Variants in ATXN1L observed in about 807,000 individuals in gnomAD.
ATXN1L encodes ataxin-1-like.
A neutral mutation model predicts 43.4 loss-of-function variants in ATXN1L; 8 were observed. That is an observed-to-expected ratio of 0.18 (90% CI 0.11 to 0.33). The LOEUF is 0.33. Among genes scored for constraint, ATXN1L ranks in the 10% least tolerant of loss-of-function variants. The pLI is 1.00. For missense variants in ATXN1L, 856 were observed against 885.4 expected (o/e 0.97, Z 0.42); for synonymous variants, 379 against 360.6 (o/e 1.05, Z -0.58).
Position 71,850,847 on chromosome 16 carries a change from C to A in ATXN1L, c.1107C>A (p.Thr369=). The change falls in exon 3 of 3, where the codon ACC becomes ACA. Residue 369 remains threonine, a synonymous_variant. Transcript: ENST00000427980. ...GCCCCCTCAACCTATCCCATCATAC[C>A]CCCGACCATCAGGGTGAGGGGCGAG... The part of the protein sequence containing the change: ...EPSPLNLSHH[T]PDHQGEGRGS... 1.3e-6 allele frequency: 2 copies of A among 1,551,698 alleles called. No individual in the cohort carries two copies. The highest frequency in any genetic ancestry group is 1.7e-6 in the Non-Finnish European group (2 of 1,146,992).
In ATXN1L at chr16:71,855,656, A is replaced by C. The variant is rs2033544138; in HGVS notation, c.*3846A>C. ...AGGGTTGGACATGGATTGACTGGGA[A>C]AAGGCCTGGGTCCATTGGAGTAAAG... On this transcript the variant is annotated 3_prime_UTR_variant, in exon 3 of 3. Transcript: ENST00000427980. 6.0e-6 allele frequency: 1 copy of C among 167,150 alleles called. No individual in the cohort carries two copies. Among genetic ancestry groups the C allele is most frequent in the Non-Finnish European group, 1.5e-5 (1 of 68,162 alleles). The allele number at this position is 167,150 out of a possible 1,614,324, so 10.4% of individuals were successfully genotyped here.
At position 71,850,262 on chromosome 16, in the gene ATXN1L, T is replaced by C; in HGVS notation, c.522T>C (p.Phe174=). 6.4e-7 allele frequency: 1 copy of C among 1,551,644 alleles called. No individual in the cohort carries two copies. Among genetic ancestry groups the C allele is most frequent in the African/African-American group, 1.4e-5 (1 of 73,120 alleles). Residue 174 remains phenylalanine (F), a synonymous_variant, in exon 3 of 3, where the codon TTT becomes TTC. Transcript: ENST00000427980. The stretch of plus-strand genomic sequence containing the variant: ...TTGCCACCTCTCACCTTCCACACTT[T>C]GTGCCATATGCCTCACTTCTGGCTG... ...ANLATSHLPH[F]VPYASLLAEG...
At chr16:71,848,203 C>T (rs1205275786) in intron 2 of ATXN1L, 132 bp downstream of exon 2, 2 of 388,570 alleles carry the variant, frequency 5.1e-6, no homozygotes, top group Non-Finnish European at 1.0e-5. Flanking sequence ...AAGAAATAGG[C>T]AGCAAAGTTC....
At chr16:71,847,288 C>G (rs1358606244) in intron 1 of ATXN1L, among the ~76,000 whole-genome samples, 1 of 151,640 alleles carries the variant, frequency 6.6e-6, no homozygotes, top group Non-Finnish European at 1.5e-5. Context: ...AGTGTAGATT[C>G]ACATAGTGAT....
Position 71,851,890 on chromosome 16 carries a change from GC to G in ATXN1L, c.*82del, listed in dbSNP as rs2033508102. 1 of 1,340,098 alleles carries G rather than the reference GC, an allele frequency of 7.5e-7. No individual in the cohort carries two copies. Among genetic ancestry groups the G allele is most frequent in the African/African-American group, 1.5e-5 (1 of 67,718 alleles). 83.0% of individuals were successfully genotyped at this position (1,340,098 alleles called of 1,614,324 possible). On this transcript the variant is annotated 3_prime_UTR_variant, in exon 3 of 3. Coordinates refer to ENST00000427980, the MANE Select transcript of ATXN1L (RefSeq NM_001137675.4). The surrounding 1 kb of genome is among the most constrained non-coding windows in gnomAD (Gnocchi z 4.9). ...GTGAGCAGGCAGAGGATTTGCACAC[GC>G]CGAGCAGGGAATGGCTTTCTTGGCA...
Position 71,850,439 on chromosome 16 carries a change from G to A in ATXN1L, c.699G>A (p.Met233Ile), listed in dbSNP as rs954344660. ...APGRMPIYYQMSRLPAGYTLH... is the reference protein window; with the variant it reads ...APGRMPIYYQISRLPAGYTLH... ...GTCGGATGCCCATTTATTATCAGAT[G>A]TCCAGGCTACCTGCTGGGTATACTT... The change falls in exon 3 of 3, where the codon ATG (methionine) becomes ATA (isoleucine). Residue 233 changes from methionine to isoleucine, a missense_variant. Met to Ile is a conservative substitution (Grantham distance 10, BLOSUM62 1). Around this residue, in one of 7 missense-constraint regions of ATXN1L, gnomAD observed 490 missense variants for 449.4 expected, o/e 1.09. Transcript: ENST00000427980. 2.1e-5 allele frequency: 33 copies of A among 1,551,566 alleles called. No individual in the cohort carries two copies. The highest frequency in any genetic ancestry group is 2.5e-5 in the Non-Finnish European group (29 of 1,147,004).
rs1226798412 is a variant in ATXN1L at position 71,854,996 on chromosome 16, T to C, written c.*3186T>C. 1 of 167,296 alleles carries C rather than the reference T, an allele frequency of 6.0e-6. No homozygotes were observed. The allele number at this position is 167,296 out of a possible 1,614,324, so 10.4% of individuals were successfully genotyped here. On this transcript the variant is annotated 3_prime_UTR_variant, in exon 3 of 3. Coordinates refer to ENST00000427980, the MANE Select transcript of ATXN1L (RefSeq NM_001137675.4). ...GCCAATCTGGGCTGGTCCTTCTATA[T>C]TCTTGGTCCCAGTTGGTCATAACAC...
In ATXN1L at chr16:71,851,408, C is replaced by T; in HGVS notation, c.1668C>T (p.Ser556=). The change falls in exon 3 of 3, where the codon AGC becomes AGT. Residue 556 remains serine (S), a synonymous_variant. Transcript: ENST00000427980. This position sits in a 1 kb window ranked among gnomAD's most constrained non-coding sequence, Gnocchi z 4.9. The part of the protein sequence containing the change: ...FVYGQGWSSC[S]PGRTTQLFSL... ...ATGGCCAGGGTTGGTCCTCTTGCAGCCCTGGGCGGACGACACAACTCTTCT... is the reference window on the plus strand; with the variant it reads ...ATGGCCAGGGTTGGTCCTCTTGCAGTCCTGGGCGGACGACACAACTCTTCT... 2 of 1,551,558 alleles carry T rather than the reference C, an allele frequency of 1.3e-6. No individual in the cohort carries two copies. Among genetic ancestry groups the T allele is most frequent in the Non-Finnish European group, 1.7e-6 (2 of 1,146,968 alleles).
At chr16:71,849,146 G>A (rs575427235) in intron 2 of ATXN1L, among the ~76,000 whole-genome samples, 19 of 148,614 alleles carry the variant, frequency 1.3e-4, no homozygotes, top group Non-Finnish European at 1.8e-4. Context: ...CCCGGGAGGC[G>A]AGGTTGCGGT....
Position 71,856,091 on chromosome 16 carries a change from G to T in ATXN1L, c.*4281G>T, listed in dbSNP as rs961430448. ...GGCCCCAGAGATGCTAGAGTCGACT[G>T]CACTCTCTCCTTAGCTGCAGACCAT... On this transcript the variant is annotated 3_prime_UTR_variant, in exon 3 of 3. Transcript: ENST00000427980. 3 of 167,096 alleles carry T rather than the reference G, an allele frequency of 1.8e-5. No individual in the cohort carries two copies. The allele number at this position is 167,096 out of a possible 1,614,324, so 10.4% of individuals were successfully genotyped here.
rs576304345 is a variant in ATXN1L at position 71,845,996 on chromosome 16, G to A, written c.-288G>A. On this transcript the variant is annotated 5_prime_UTR_variant, in exon 1 of 3. Coordinates refer to ENST00000427980, the MANE Select transcript of ATXN1L (RefSeq NM_001137675.4). Reference sequence around the variant, plus strand: ...ACGCCATCTCCGGGCGCCCGGCTGTGGGGGGCGCTGGGTGTGGGGCGGCTC... The same window carrying A: ...ACGCCATCTCCGGGCGCCCGGCTGTAGGGGGCGCTGGGTGTGGGGCGGCTC... The A allele has an allele frequency of 4.3e-5, 7 of 164,380 alleles. No individual in the cohort carries two copies. In the South Asian group the frequency reaches 4.8e-4, roughly 11 times the overall value. The allele number at this position is 164,380 out of a possible 1,614,324, so 10.2% of individuals were successfully genotyped here. A position where few individuals can be genotyped will look rare whatever the true frequency, so the allele number is the denominator to read the frequency against.
In ATXN1L at chr16:71,852,926, C is replaced by CT. The variant is rs1443932073; in HGVS notation, c.*1117dup. 6.0e-6 allele frequency: 1 copy of CT among 167,126 alleles called. No individual in the cohort carries two copies. The highest frequency in any genetic ancestry group is 1.5e-5 in the Non-Finnish European group (1 of 68,150). The allele number at this position is 167,126 out of a possible 1,614,324, so 10.4% of individuals were successfully genotyped here. On this transcript the variant is annotated 3_prime_UTR_variant, in exon 3 of 3. Coordinates refer to ENST00000427980, the MANE Select transcript of ATXN1L (RefSeq NM_001137675.4). ...CTGGTTTCCCCTTCAGCTATAATCT[C>CT]TATTTTTAAAATCTCAAAATCATGT...
chr16:71,850,011 A>G lies in ATXN1L; in HGVS notation c.271A>G (p.Thr91Ala). The stretch of plus-strand genomic sequence containing the variant: ...GTATAAGGTGGCTGTGCCGCCTGCC[A>G]CCTTTTCACCAACTGGACTCCCATC... ...MLYKVAVPPATFSPTGLPSVV... is the reference protein window; with the variant it reads ...MLYKVAVPPAAFSPTGLPSVV... The change falls in exon 3 of 3, where the codon ACC (threonine) becomes GCC (alanine). Residue 91 changes from threonine to alanine, a missense_variant. By Grantham distance (58) the Thr-to-Ala change is moderately conservative. Coordinates refer to ENST00000427980, the MANE Select transcript of ATXN1L (RefSeq NM_001137675.4). 1 of 1,551,482 alleles carries G rather than the reference A, an allele frequency of 6.4e-7. No individual in the cohort carries two copies. Among genetic ancestry groups the G allele is most frequent in the Non-Finnish European group, 8.7e-7 (1 of 1,146,952 alleles).
rs2033505462 is a variant in ATXN1L at position 71,851,726 on chromosome 16, G to A, written c.1986G>A (p.Glu662=). The change falls in exon 3 of 3, where the codon GAG becomes GAA. Residue 662 remains glutamate (E), a synonymous_variant. Transcript: ENST00000427980. The surrounding 1 kb of genome is among the most constrained non-coding windows in gnomAD (Gnocchi z 4.9). ...SFQRYSMQGE[E]ARAALLRPSF... is the part of the protein sequence containing the mutation. The stretch of plus-strand genomic sequence containing the variant: ...AAAGATACAGCATGCAAGGGGAGGA[G>A]GCACGGGCTGCGCTGCTCCGTCCCT... 2 of 1,472,392 alleles carry A rather than the reference G, an allele frequency of 1.4e-6. No homozygotes were observed. The highest frequency in any genetic ancestry group is 1.8e-6 in the Non-Finnish European group (2 of 1,107,336). The allele number at this position is 1,472,392 out of a possible 1,614,324, so 91.2% of individuals were successfully genotyped here.
In ATXN1L at chr16:71,855,295, G is replaced by A. The variant is rs955816278; in HGVS notation, c.*3485G>A. ...CTGGCTCCAAATGTCTGACTATCTT[G>A]AGGGAGAAACAAGCAGGTTTCTACT... is the stretch of plus-strand genomic sequence containing the variant. On this transcript the variant is annotated 3_prime_UTR_variant, in exon 3 of 3. Coordinates refer to ENST00000427980, the MANE Select transcript of ATXN1L (RefSeq NM_001137675.4). The A allele has an allele frequency of 1.2e-5, 2 of 167,128 alleles. No homozygotes were observed. Among genetic ancestry groups the A allele is most frequent in the African/African-American group, 4.8e-5 (2 of 41,464 alleles). 10.4% of individuals were successfully genotyped at this position (167,128 alleles called of 1,614,324 possible).
chr16:71,853,375 GTTTT>G lies in ATXN1L; in HGVS notation c.*1569_*1572del, dbSNP rs939571886. ...CCCCCACTAGCTTTCAGGTGGGTAA[GTTTT>G]TTTGTTTGTTTTTTGGGGGTCTTTA... On this transcript the variant is annotated 3_prime_UTR_variant, in exon 3 of 3. Coordinates refer to ENST00000427980, the MANE Select transcript of ATXN1L (RefSeq NM_001137675.4). 3 of 167,044 alleles carry G rather than the reference GTTTT, an allele frequency of 1.8e-5. No individual in the cohort carries two copies. The highest frequency in any genetic ancestry group is 4.4e-5 in the Non-Finnish European group (3 of 68,170). The allele number at this position is 167,044 out of a possible 1,614,324, so 10.3% of individuals were successfully genotyped here.
rs1259050961 is a variant in ATXN1L at position 71,853,150 on chromosome 16, TC to T, written c.*1341del. On this transcript the variant is annotated 3_prime_UTR_variant, in exon 3 of 3. Transcript: ENST00000427980. ...CCCCTCCCACCACCAGCTCTAAGAT[TC>T]TAGGATAGTCTTGATAACATTTCAG... The T allele has an allele frequency of 6.0e-6, 1 of 167,088 alleles. No individual in the cohort carries two copies. Among genetic ancestry groups the T allele is most frequent in the Non-Finnish European group, 1.5e-5 (1 of 68,132 alleles). 10.4% of individuals were successfully genotyped at this position (167,088 alleles called of 1,614,324 possible).
chr16:71,850,571 A>C lies in ATXN1L; in HGVS notation c.831A>C (p.Arg277=). ...AANGGQRPRE[R]NLVRRESEAL... is the part of the protein sequence containing the mutation. ...ATGGAGGACAGAGACCACGAGAGCG[A>C]AATTTAGTAAGACGGGAAAGTGAAG... Residue 277 remains arginine, a synonymous_variant, in exon 3 of 3, where the codon CGA becomes CGC. Coordinates refer to ENST00000427980, the MANE Select transcript of ATXN1L (RefSeq NM_001137675.4). 6.4e-7 allele frequency: 1 copy of C among 1,551,740 alleles called. No homozygotes were observed.
chr16:71,851,635 C>G lies in ATXN1L; in HGVS notation c.1895C>G (p.Ser632Cys), dbSNP rs767579461. ...EGKSQPAGEG[S>C]RVVEPSQPES... ...AAGAGCCAGCCGGCAGGAGAGGGCT[C>G]CCGTGTGGTAGAGCCTTCCCAGCCT... The change falls in exon 3 of 3, where the codon TCC (serine) becomes TGC (cysteine). Residue 632 changes from serine to cysteine, a missense_variant. Transcript: ENST00000427980. The surrounding 1 kb of genome is among the most constrained non-coding windows in gnomAD (Gnocchi z 4.9). 6.5e-7 allele frequency: 1 copy of G among 1,534,226 alleles called. No individual in the cohort carries two copies. The highest frequency in any genetic ancestry group is 2.0e-5 in the Admixed American group (1 of 49,694).
Sources: allele counts gnomAD v4.1 joint callset (sites outside exome capture counted in the v4.1 genomes callset), GRCh38; gene constraint gnomAD v4.1.1; regional missense constraint gnomAD v4.1.1; non-coding constraint Gnocchi (gnomAD v3.1); transcripts MANE v1.5; gene names NCBI Gene and HGNC (gene_info 2026-07-23, HGNC 2026-07-21).